CHD2: variants seen among roughly 807,000 people sequenced by gnomAD.
CHD2 encodes ATP-dependent chromatin remodeler CHD2.
A neutral mutation model predicts 243.9 loss-of-function variants in CHD2; 28 were observed. The ratio of observed to expected loss-of-function variants is 0.11; its 90% confidence interval spans 0.09 to 0.16. CHD2 has a LOEUF of 0.16. CHD2 is among the 10% of genes least tolerant of loss of function. CHD2 has a pLI of 1.00. For missense variants in CHD2, 1,386 were observed against 2,209.8 expected, an observed-to-expected ratio of 0.63 and a Z score of 7.47; for synonymous variants, 775 against 779.0, an observed-to-expected ratio of 0.99 and a Z score of 0.09.
chr15:92,928,651 T>C (rs557399259), intron 4 of CHD2, among the ~76,000 whole-genome samples: 1 of 152,350 alleles, frequency 6.6e-6, no homozygotes, highest in East Asian at 1.9e-4. Flanking sequence ...TAGTTAAAAA[T>C]AAAACTTCCA....
chr15:92,919,122 C>T (rs2052903977), intron 2 of CHD2, among the ~76,000 whole-genome samples: 2 of 151,102 alleles, frequency 1.3e-5, no homozygotes, highest in Admixed American at 6.6e-5. Flanking sequence ...TCCCAGAGTG[C>T]TGGGATTACA....
chr15:92,923,167 C>T (rs8042632), intron 2 of CHD2, among the ~76,000 whole-genome samples: 54,216 of 152,122 alleles, frequency 0.36, 11,054 homozygotes, highest in East Asian at 0.81. Flanking sequence ...TAAAGCTCCT[C>T]AGATGAGCCT....
intron 16 of CHD2, among the ~76,000 whole-genome samples, chr15:92,958,253 A>G (rs982074812): frequency 2.0e-5 from 3 of 152,222 alleles, no homozygotes; most frequent in African/African-American, 7.2e-5. Context: ...TCCCTGCGTC[A>G]TCACCAGGAC....
intron 5 of CHD2, among the ~76,000 whole-genome samples, chr15:92,929,732 T>A (rs2053130416): frequency 6.6e-6 from 1 of 152,206 alleles, no homozygotes; most frequent in African/African-American, 2.4e-5. Context: ...ATCTGAATTC[T>A]ATAGCTTCTC....
intron 2 of CHD2, chr15:92,904,493 G>A (rs1017269447): frequency 1.4e-5 from 14 of 990,322 alleles, no homozygotes; most frequent in South Asian, 9.1e-5. Context: ...ACGCCGAGGG[G>A]AAAAGGAAGG....
intron 37 of CHD2, among the ~76,000 whole-genome samples, chr15:93,017,053 A>G (rs1022528578): frequency 3.3e-5 from 5 of 152,216 alleles, no homozygotes; most frequent in African/African-American, 1.2e-4. Flanking sequence ...AAAAATTAAA[A>G]AGGGAAATAC....
In CHD2 at chr15:92,917,461, T is replaced by C. The variant is rs8027771; in HGVS notation, c.63-6860T>C. Among the ~76,000 whole-genome samples the C allele has an allele frequency of 8.0e-3, 1,213 of 152,266 alleles. 16 individuals carry two copies. The highest frequency in any genetic ancestry group is 0.028 in the African/African-American group (1,167 of 41,548). On this transcript the variant is annotated intron_variant, in intron 2 of 38. Coordinates refer to ENST00000394196, the MANE Select transcript of CHD2 (RefSeq NM_001271.4). ...CTGTAATTCCAGCTACTCTGGAGAC[T>C]GAGGCAGGAGAATCGCATGAACCCT...
At chr15:92,903,632 CAA>C (rs2052563083) in intron 2 of CHD2, among the ~76,000 whole-genome samples, 1 of 152,088 alleles carries the variant, frequency 6.6e-6, no homozygotes, top group African/African-American at 2.4e-5. Flanking sequence ...GTATTTAAAA[CAA>C]AGTTCTAATG....
At chr15:92,932,391 C>T (rs1395681446) in intron 5 of CHD2, among the ~76,000 whole-genome samples, 10 of 151,244 alleles carry the variant, frequency 6.6e-5, no homozygotes, top group South Asian at 2.1e-4. Context: ...GTGCTGCACC[C>T]GTTAACTCGT....
At chr15:92,917,782 C>T (rs777075944) in intron 2 of CHD2, among the ~76,000 whole-genome samples, 4 of 152,152 alleles carry the variant, frequency 2.6e-5, no homozygotes, top group Admixed American at 6.6e-5. Context: ...TGATATCTTA[C>T]ACACGCACAT....
chr15:93,015,575 TTATG>T (rs1203022746), intron 37 of CHD2, among the ~76,000 whole-genome samples: 1 of 152,178 alleles, frequency 6.6e-6, no homozygotes, highest in Non-Finnish European at 1.5e-5. Context: ...AAGAGACAGT[TTATG>T]TAAGGGGAGA....
intron 12 of CHD2, among the ~76,000 whole-genome samples, chr15:92,948,721 C>A (rs2053510259): frequency 6.6e-6 from 1 of 152,058 alleles, no homozygotes; most frequent in Non-Finnish European, 1.5e-5. Context: ...TGTATGTAGT[C>A]CCAGCTACTT....
chr15:92,990,811 A>G (rs530892923), intron 26 of CHD2, among the ~76,000 whole-genome samples: 1 of 152,310 alleles, frequency 6.6e-6, no homozygotes, highest in African/African-American at 2.4e-5. Context: ...TTTAGTGGAA[A>G]GTACTGGTGA....
Position 93,014,822 on chromosome 15 carries a change from C to T in CHD2, c.4819C>T (p.His1607Tyr). 6.2e-7 allele frequency: 1 copy of T among 1,614,214 alleles called. No individual in the cohort carries two copies. Among genetic ancestry groups the T allele is most frequent in the South Asian group, 1.1e-5 (1 of 91,084 alleles). ...ACACAACCTTCACCCTCAGAAGCCTCATTTGCCTGCCTCCCATGGCCCACA... is the reference window on the plus strand; with the variant it reads ...ACACAACCTTCACCCTCAGAAGCCTTATTTGCCTGCCTCCCATGGCCCACA... ...TSHNLHPQKP[H>Y]LPASHGPQMH... The change falls in exon 37 of 39, where the codon CAT becomes TAT. Residue 1607 changes from histidine to tyrosine, a missense_variant. Around this residue, in one of 19 missense-constraint regions of CHD2, gnomAD observed 347 missense variants for 341.6 expected, o/e 1.02. Transcript: ENST00000394196.
At chr15:93,011,388 G>GA (rs1284692113) in intron 35 of CHD2, among the ~76,000 whole-genome samples, 9 of 152,232 alleles carry the variant, frequency 5.9e-5, no homozygotes, top group African/African-American at 2.2e-4. Flanking sequence ...GAGCTGAGTC[G>GA]AATTGCTGAG....
intron 16 of CHD2, among the ~76,000 whole-genome samples, chr15:92,967,084 A>G (rs549718252): frequency 6.6e-6 from 1 of 152,296 alleles, no homozygotes; most frequent in Admixed American, 6.5e-5. Context: ...GTTACATGAT[A>G]GACTGAAGTA....
intron 5 of CHD2, among the ~76,000 whole-genome samples, chr15:92,933,508 T>C (rs1324572133): frequency 6.6e-6 from 1 of 152,240 alleles, no homozygotes; most frequent in African/African-American, 2.4e-5. Context: ...AGATGCTGTT[T>C]TGATTAAACT....
intron 34 of CHD2, among the ~76,000 whole-genome samples, chr15:93,006,433 C>G (rs56358327): frequency 0.17 from 26,182 of 152,114 alleles, 2,980 homozygotes; most frequent in Non-Finnish European, 0.25. Context: ...CCTTTTCTCT[C>G]TCTCTTACCT....
chr15:92,940,492 A>G (rs763822902), intron 7 of CHD2, among the ~76,000 whole-genome samples: 1 of 152,014 alleles, frequency 6.6e-6, no homozygotes, highest in African/African-American at 2.4e-5. Flanking sequence ...ATATGCAAAC[A>G]CTAGTAGTTT....
Sources: allele counts gnomAD v4.1 joint callset (sites outside exome capture counted in the v4.1 genomes callset), GRCh38; gene constraint gnomAD v4.1.1; regional missense constraint gnomAD v4.1.1; transcripts MANE v1.5; gene names NCBI Gene and HGNC (gene_info 2026-07-23, HGNC 2026-07-21).